SPAG1: variants seen among roughly 807,000 people sequenced by gnomAD.
SPAG1 encodes sperm associated antigen 1, also known as sperm-associated antigen 1.
In SPAG1, 69 loss-of-function variants were observed where a neutral mutation model predicts 100.5. The observed-to-expected ratio is 0.69, with a 90% CI of 0.57 to 0.84. SPAG1 has a LOEUF of 0.84. Among genes scored for constraint, SPAG1 ranks in the 40% least tolerant of loss-of-function variants. The pLI is 0.00. For synonymous variants in SPAG1, 336 were observed against 411.6 expected (o/e 0.82, Z 2.22); for missense variants, 955 against 1,133.1 (o/e 0.84, Z 2.26).
chr8:100,199,464 A>G (rs956941062), intron 10 of SPAG1, among the ~76,000 whole-genome samples: 1 of 151,770 alleles, frequency 6.6e-6, no homozygotes, highest in African/African-American at 2.4e-5. Context: ...GTTGTTGTTG[A>G]GATGGATTTT....
At chr8:100,213,502 G>C (rs1026496562) in intron 11 of SPAG1, 74 bp downstream of exon 11, 3 of 1,169,168 alleles carry the variant, frequency 2.6e-6, no homozygotes, top group Non-Finnish European at 3.3e-6. Context: ...GCCCCCGTGG[G>C]AGAGGCGCTG....
At chr8:100,232,410 C>T (rs544840007) in intron 15 of SPAG1, among the ~76,000 whole-genome samples, 1 of 152,256 alleles carries the variant, frequency 6.6e-6, no homozygotes, top group Non-Finnish European at 1.5e-5. Flanking sequence ...GTCCACTCAC[C>T]ACCTTACAAT....
chr8:100,219,224 AT>A (rs1053300376), intron 12 of SPAG1, among the ~76,000 whole-genome samples: 38 of 152,374 alleles, frequency 2.5e-4, no homozygotes, highest in African/African-American at 9.1e-4. Flanking sequence ...TTCTAAGAGT[AT>A]CGGAAAAACA....
At chr8:100,235,750 C>T (rs941904789) in intron 16 of SPAG1, among the ~76,000 whole-genome samples, 22 of 152,038 alleles carry the variant, frequency 1.4e-4, no homozygotes, top group Non-Finnish European at 2.4e-4. Flanking sequence ...GTGCATGTCC[C>T]GCCAGGACCC....
Position 100,220,276 on chromosome 8 carries a change from T to C in SPAG1, c.1536-3T>C, listed in dbSNP as rs1490218282. The C allele has an allele frequency of 2.5e-6, 4 of 1,603,956 alleles. No individual in the cohort carries two copies. In the East Asian group the frequency reaches 6.7e-5, roughly 27 times the overall value. On this transcript the variant is annotated splice_region_variant and splice_polypyrimidine_tract_variant and intron_variant, in intron 12 of 18. Transcript: ENST00000388798. ...TGGTATGTAATATTTTTGTCTTCTT[T>C]AGGGCTCTGGAACTTCATCCATTCT...
intron 3 of SPAG1, among the ~76,000 whole-genome samples, chr8:100,170,483 T>C (rs1300416647): frequency 1.3e-5 from 2 of 152,178 alleles, no homozygotes; most frequent in African/African-American, 2.4e-5. Flanking sequence ...TCTTCAGAAC[T>C]TTTTCATCCT....
intron 8 of SPAG1, among the ~76,000 whole-genome samples, chr8:100,188,430 C>T (rs914797199): frequency 3.3e-5 from 5 of 152,206 alleles, no homozygotes; most frequent in African/African-American, 4.8e-5. Context: ...GCTGGGATTA[C>T]AGGCATGAGC....
intron 1 of SPAG1, 66 bp from the exon 2 acceptor site, chr8:100,162,213 T>C: frequency 7.8e-7 from 1 of 1,287,510 alleles, no homozygotes; most frequent in South Asian, 1.4e-5. Context: ...ACCTACATGG[T>C]TACCACTATC....
At chr8:100,169,129 G>C (rs1015081884) in intron 3 of SPAG1, among the ~76,000 whole-genome samples, 2 of 152,078 alleles carry the variant, frequency 1.3e-5, no homozygotes, top group Admixed American at 6.6e-5. Flanking sequence ...CTCCTAGGAA[G>C]TTTATAGTTT....
At chr8:100,204,052 G>A (rs1037538802) in intron 10 of SPAG1, among the ~76,000 whole-genome samples, 5 of 152,184 alleles carry the variant, frequency 3.3e-5, no homozygotes, top group Non-Finnish European at 7.3e-5. Flanking sequence ...AGAAGGAACA[G>A]ATTCCCCATA....
chr8:100,197,443 C>G (rs1169282543), intron 10 of SPAG1, among the ~76,000 whole-genome samples: 1 of 152,176 alleles, frequency 6.6e-6, no homozygotes, highest in East Asian at 1.9e-4. Flanking sequence ...TTACATTCAC[C>G]TCTAGTTACA....
chr8:100,240,637 A>G lies in SPAG1; in HGVS notation c.2515A>G (p.Met839Val). The change falls in exon 18 of 19, where the codon ATG becomes GTG. Residue 839 changes from methionine (M) to valine (V), a missense_variant. Coordinates refer to ENST00000388798, the MANE Select transcript of SPAG1 (RefSeq NM_003114.5). ...LAITAPKDLP[M>V]FLSNKLEGDT... ...CATCACTGCACCAAAAGATTTGCCG[A>G]TGTTTTTAAGTAACAAACTTGAAGG... 6.2e-7 allele frequency: 1 copy of G among 1,614,184 alleles called. No individual in the cohort carries two copies. Among genetic ancestry groups the G allele is most frequent in the Non-Finnish European group, 8.5e-7 (1 of 1,180,022 alleles).
chr8:100,169,042 T>C (rs927097170), intron 3 of SPAG1, among the ~76,000 whole-genome samples: 3 of 152,214 alleles, frequency 2.0e-5, no homozygotes, highest in East Asian at 3.9e-4. Flanking sequence ...TAACTTTTGA[T>C]GAAATCTTTT....
chr8:100,166,105 CT>C (rs1474703813), intron 3 of SPAG1, 132 bp downstream of exon 3: 5 of 709,848 alleles, frequency 7.0e-6, no homozygotes, highest in African/African-American at 1.8e-5. Flanking sequence ...GGATTGGTTG[CT>C]TTTTACACCC....
chr8:100,208,591 G>A (rs1347874793), intron 10 of SPAG1, among the ~76,000 whole-genome samples: 8 of 152,222 alleles, frequency 5.3e-5, no homozygotes, highest in Admixed American at 4.6e-4. Context: ...GTGACCAGCT[G>A]CAGAAACGGG....
chr8:100,233,536 A>T lies in SPAG1; in HGVS notation c.2114A>T (p.Lys705Met), dbSNP rs1586555131. 1 of 1,589,030 alleles carries T rather than the reference A, an allele frequency of 6.3e-7. No homozygotes were observed. Among genetic ancestry groups the T allele is most frequent in the East Asian group, 2.3e-5 (1 of 44,262 alleles). Reference protein sequence around the residue: ...YRRALAHKGLKNYQKSLIDLN... With the variant: ...YRRALAHKGLMNYQKSLIDLN... ...CGAGCTCTGGCTCATAAAGGACTCA[A>T]GGTGAGGAAATCTTCATTTTAATGC... Residue 705 changes from lysine (K) to methionine (M), a missense_variant and splice_region_variant, in exon 16 of 19, where the codon AAG (lysine) becomes ATG (methionine). Coordinates refer to ENST00000388798, the MANE Select transcript of SPAG1 (RefSeq NM_003114.5).
chr8:100,169,565 C>A (rs1299727497), intron 3 of SPAG1, among the ~76,000 whole-genome samples: 3 of 152,102 alleles, frequency 2.0e-5, no homozygotes, highest in Non-Finnish European at 4.4e-5. Flanking sequence ...GTGGCAAAAC[C>A]CCATCTCTAC....
Position 100,220,329 on chromosome 8 carries a change from T to C in SPAG1, c.1586T>C (p.Met529Thr), listed in dbSNP as rs78436093. The C allele has an allele frequency of 1.3e-3, 2,078 of 1,614,128 alleles. 26 individuals carry two copies. The African/African-American group carries it at 0.023, about 18-fold the overall frequency. ...FSMKPLLRRA[M>T]AYETLEQYGK... Reference sequence around the variant, plus strand: ...ATGAAACCTCTTCTGAGGCGGGCGATGGCCTATGAAACTCTAGAGCAGTAT... The same window carrying C: ...ATGAAACCTCTTCTGAGGCGGGCGACGGCCTATGAAACTCTAGAGCAGTAT... Residue 529 changes from methionine (M) to threonine (T), a missense_variant, in exon 13 of 19, where the codon ATG (methionine) becomes ACG (threonine). Transcript: ENST00000388798.
At chr8:100,230,089 C>G (rs1295401854) in intron 14 of SPAG1, among the ~76,000 whole-genome samples, 1 of 152,186 alleles carries the variant, frequency 6.6e-6, no homozygotes, top group Admixed American at 6.5e-5. Flanking sequence ...AATTGGATTA[C>G]TATGGCCATA....
Sources: allele counts gnomAD v4.1 joint callset (sites outside exome capture counted in the v4.1 genomes callset), GRCh38; gene constraint gnomAD v4.1.1; transcripts MANE v1.5; gene names NCBI Gene and HGNC (gene_info 2026-07-23, HGNC 2026-07-21).